The following ANO4 variants were observed in gnomAD, a reference collection of about 807,000 sequenced individuals.
ANO4 encodes the protein anoctamin-4.
A neutral mutation model predicts 141.9 loss-of-function variants in ANO4; 69 were observed. The ratio of observed to expected loss-of-function variants is 0.49; its 90% confidence interval spans 0.40 to 0.59. The LOEUF (loss-of-function observed/expected upper bound fraction) is 0.59, where lower values mean the gene tolerates loss of function less well. ANO4 is among the 20% of genes least tolerant of loss of function. ANO4 has a pLI of 0.00. For synonymous variants in ANO4, 350 were observed against 394.3 expected (o/e 0.89, Z 1.33); for missense variants, 894 against 1,162.2 (o/e 0.77, Z 3.36).
At chr12:100,924,844 C>G (rs11110585) in intron 3 of ANO4, among the ~76,000 whole-genome samples, 33,709 of 151,770 alleles carry the variant, frequency 0.22, 4,536 homozygotes, top group Middle Eastern at 0.4. Flanking sequence ...TCAGAATGAA[C>G]TAAAGGTTAG....
At chr12:101,075,191 T>C (rs571885215) in intron 14 of ANO4, among the ~76,000 whole-genome samples, 2 of 152,228 alleles carry the variant, frequency 1.3e-5, no homozygotes, top group East Asian at 3.9e-4. Context: ...CATTACTCGC[T>C]AAGGAAATGG....
intron 1 of ANO4, among the ~76,000 whole-genome samples, chr12:100,796,417 A>G (rs1372954764): frequency 6.6e-6 from 1 of 152,128 alleles, no homozygotes; most frequent in Non-Finnish European, 1.5e-5. Flanking sequence ...TTTTCTTGAA[A>G]TAGTGGTGAT....
In ANO4 at chr12:101,111,452, A is replaced by G. The variant is rs548381006; in HGVS notation, c.2303-111A>G. On this transcript the variant is annotated intron_variant, in intron 23 of 27. Transcript: ENST00000392977. ...CCTGGTTGCAACTGTCAGTATTTGG[A>G]AAGATGAAGAAAGGACCCATGAAAA... is the stretch of plus-strand genomic sequence containing the variant. 39 of 1,030,902 alleles carry G rather than the reference A, an allele frequency of 3.8e-5. 1 individual carries two copies. The East Asian group carries it at 1.1e-3, about 29-fold the overall frequency. The allele number at this position is 1,030,902 out of a possible 1,614,324, so 63.9% of individuals were successfully genotyped here.
chr12:100,831,142 T>G (rs1250994374), intron 1 of ANO4, among the ~76,000 whole-genome samples: 1 of 152,154 alleles, frequency 6.6e-6, no homozygotes, highest in Non-Finnish European at 1.5e-5. Context: ...GAAAATGCTG[T>G]GACATTTAAA....
chr12:100,982,813 A>G (rs117362224), intron 7 of ANO4, among the ~76,000 whole-genome samples: 2,688 of 152,354 alleles, frequency 0.018, 26 homozygotes, highest in Middle Eastern at 0.037. Flanking sequence ...AAAGGTTATC[A>G]TTAATTCAAG....
intron 3 of ANO4, among the ~76,000 whole-genome samples, chr12:100,783,666 G>T (rs1474840317): frequency 6.6e-6 from 1 of 152,144 alleles, no homozygotes; most frequent in African/African-American, 2.4e-5. Flanking sequence ...GGCTAGATGA[G>T]CAGGCACAAG....
At chr12:100,789,645 T>C (rs1271710256) in intron 3 of ANO4, among the ~76,000 whole-genome samples, 2 of 152,180 alleles carry the variant, frequency 1.3e-5, no homozygotes, top group Non-Finnish European at 2.9e-5. Flanking sequence ...AGCTGGGACA[T>C]GGCTGTTGTG....
chr12:100,748,198 T>C (rs781541175), intron 3 of ANO4, among the ~76,000 whole-genome samples: 3 of 152,184 alleles, frequency 2.0e-5, no homozygotes, highest in Non-Finnish European at 4.4e-5. Flanking sequence ...AGGTGCCCAT[T>C]TGATAGCATG....
chr12:100,846,044 C>T (rs1287199899), intron 1 of ANO4, among the ~76,000 whole-genome samples: 1 of 152,170 alleles, frequency 6.6e-6, no homozygotes, highest in Non-Finnish European at 1.5e-5. Context: ...TTTAGCTGCT[C>T]TGTGTTTATT....
At chr12:100,962,409 A>G (rs1454529385) in intron 5 of ANO4, among the ~76,000 whole-genome samples, 2 of 152,166 alleles carry the variant, frequency 1.3e-5, no homozygotes, top group African/African-American at 4.8e-5. Context: ...TATGACCTGC[A>G]TTAGTTTTAT....
At chr12:100,762,946 C>G (rs962136074) in intron 3 of ANO4, among the ~76,000 whole-genome samples, 2 of 152,106 alleles carry the variant, frequency 1.3e-5, no homozygotes, top group Non-Finnish European at 2.9e-5. Context: ...TCCACTGAGT[C>G]TTCAGAACAG....
intron 1 of ANO4, among the ~76,000 whole-genome samples, chr12:100,837,131 A>G (rs923596635): frequency 3.3e-5 from 5 of 152,192 alleles, no homozygotes; most frequent in Non-Finnish European, 5.9e-5. Flanking sequence ...AGTAAAAGAT[A>G]AATAACAATA....
chr12:101,068,304 C>T (rs908667988), intron 14 of ANO4: 154 of 1,336,808 alleles, frequency 1.2e-4, no homozygotes, highest in Middle Eastern at 1.1e-3. Context: ...CCTGCTCCTA[C>T]GAAGGCTGAC....
chr12:100,987,560 G>C lies in ANO4; in HGVS notation c.624G>C (p.Arg208Ser), dbSNP rs150616124. Reference protein sequence around the residue: ...FMSRIDKQISRFRRWLPKKPM... With the variant: ...FMSRIDKQISSFRRWLPKKPM... ...ACAGGATCGATAAACAAATAAGCAG[G>C]TTTCGGAGATGGTTACCTAAGAAGC... The change falls in exon 8 of 28, where the codon AGG becomes AGC. Residue 208 changes from arginine (R) to serine (S), a missense_variant. Physicochemically the swap from Arg to Ser is moderately radical, Grantham distance 110. Coordinates refer to ENST00000392977, the MANE Select transcript of ANO4 (RefSeq NM_001286615.2). The C allele has an allele frequency of 8.1e-6, 13 of 1,613,868 alleles. No homozygotes were observed. In the African/African-American group the frequency reaches 1.6e-4, roughly 20 times the overall value.
intron 2 of ANO4, chr12:100,733,897 T>G (rs995914274): frequency 4.4e-6 from 3 of 674,232 alleles, no homozygotes; most frequent in Non-Finnish European, 5.4e-6. Flanking sequence ...AAAAAAATAT[T>G]ATTGCCTGGA....
At chr12:100,925,808 T>C (rs945542691) in intron 3 of ANO4, among the ~76,000 whole-genome samples, 5 of 81,036 alleles carry the variant, frequency 6.2e-5, no homozygotes, top group African/African-American at 2.4e-4. Context: ...TGTGTATACA[T>C]ACATATACAT....
intron 3 of ANO4, among the ~76,000 whole-genome samples, chr12:100,776,389 G>A (rs1361188697): frequency 3.3e-5 from 5 of 152,118 alleles, no homozygotes. Context: ...TAAGTTAATG[G>A]TTTGGTTCAT....
intron 1 of ANO4, among the ~76,000 whole-genome samples, chr12:100,809,454 G>T (rs1237443186): frequency 2.6e-5 from 4 of 152,084 alleles, no homozygotes; most frequent in African/African-American, 9.7e-5. Flanking sequence ...ACATGGAGTG[G>T]GAGAGCCTCA....
chr12:100,762,912 A>G (rs182607753), intron 3 of ANO4, among the ~76,000 whole-genome samples: 1 of 152,228 alleles, frequency 6.6e-6, no homozygotes, highest in East Asian at 1.9e-4. Context: ...CGCCTAGTGG[A>G]TGTTTGTTGA....
Sources: allele counts gnomAD v4.1 joint callset (sites outside exome capture counted in the v4.1 genomes callset), GRCh38; gene constraint gnomAD v4.1.1; transcripts MANE v1.5; gene names NCBI Gene and HGNC (gene_info 2026-07-23, HGNC 2026-07-21).